SETBP1: variants seen among roughly 807,000 people sequenced by gnomAD.
The protein encoded by SETBP1 is SET binding protein 1, also known as SET-binding protein.
In SETBP1, 9 loss-of-function variants were observed where a neutral mutation model predicts 101.0. That is an observed-to-expected ratio of 0.09 (90% CI 0.05 to 0.16). The LOEUF (loss-of-function observed/expected upper bound fraction) is 0.16, where lower values mean the gene tolerates loss of function less well. Ranked by LOEUF, SETBP1 falls within the 10% of genes least tolerant of loss-of-function variation. The probability of loss-of-function intolerance (pLI) is 1.00; values close to 1 mark genes in which losing one functional copy is unlikely to be tolerated. For missense variants in SETBP1, 1,858 were observed against 2,033.8 expected, an observed-to-expected ratio of 0.91 and a Z score of 1.66; for synonymous variants, 818 against 788.5, an observed-to-expected ratio of 1.04 and a Z score of -0.63.
chr18:44,706,591 CAA>C (rs1018470585), intron 2 of SETBP1, among the ~76,000 whole-genome samples: 124 of 16,922 alleles, frequency 7.3e-3, no homozygotes, highest in Admixed American at 0.012. Context: ...GACTCAATCT[CAA>C]AAAAAAAAAA....
intron 4 of SETBP1, among the ~76,000 whole-genome samples, chr18:44,974,589 T>C (rs867914147): frequency 2.0e-5 from 3 of 152,172 alleles, no homozygotes; most frequent in South Asian, 4.1e-4. Context: ...CCCAAATGAC[T>C]GATGTGGACT....
chr18:44,768,588 A>C (rs1474029218), intron 2 of SETBP1, among the ~76,000 whole-genome samples: 1 of 152,130 alleles, frequency 6.6e-6, no homozygotes, highest in East Asian at 1.9e-4. Flanking sequence ...TTTCATATTC[A>C]CCAAGATTTT....
intron 3 of SETBP1, among the ~76,000 whole-genome samples, chr18:44,920,847 C>T (rs1488174190): frequency 1.3e-5 from 2 of 152,064 alleles, no homozygotes; most frequent in Non-Finnish European, 2.9e-5. Context: ...CTACTGGCAT[C>T]GGCATAGTCA....
Position 44,794,801 on chromosome 18 carries a change from C to A in SETBP1, c.487-74429C>A, listed in dbSNP as rs181274793. ...ATTGGGTAGGGATGTGACTTGGGAT[C>A]GTGATTCATTTTGTTTAGGGATGAC... On this transcript the variant is annotated intron_variant, in intron 2 of 5. Coordinates refer to ENST00000649279, the MANE Select transcript of SETBP1 (RefSeq NM_015559.3). Among the ~76,000 whole-genome samples, 717 of 152,156 alleles carry A rather than the reference C, an allele frequency of 4.7e-3. 17 individuals are homozygous for A. The highest frequency in any genetic ancestry group is 0.037 in the Admixed American group (569 of 15,290).
chr18:44,965,989 C>T (rs1221892854), intron 4 of SETBP1, among the ~76,000 whole-genome samples: 1 of 152,150 alleles, frequency 6.6e-6, no homozygotes, highest in African/African-American at 2.4e-5. Context: ...CTTCATTTTT[C>T]ATTTCAGTGA....
At chr18:44,808,192 T>C (rs924411403) in intron 2 of SETBP1, among the ~76,000 whole-genome samples, 2 of 152,186 alleles carry the variant, frequency 1.3e-5, no homozygotes, top group Non-Finnish European at 2.9e-5. Context: ...ATCCACACGA[T>C]TGTAAATTAG....
chr18:44,801,096 A>G (rs925933545), intron 2 of SETBP1, among the ~76,000 whole-genome samples: 3 of 152,154 alleles, frequency 2.0e-5, no homozygotes, highest in African/African-American at 7.2e-5. Flanking sequence ...ACACTTGGAC[A>G]TAGGAAGGGG....
intron 2 of SETBP1, among the ~76,000 whole-genome samples, chr18:44,737,598 T>C (rs2069997770): frequency 6.6e-6 from 1 of 152,246 alleles, no homozygotes; most frequent in Admixed American, 6.5e-5. Flanking sequence ...TGGTTTGCCC[T>C]GAGTGTGTAA....
chr18:44,841,312 G>A (rs1268550819), intron 2 of SETBP1, among the ~76,000 whole-genome samples: 1 of 152,192 alleles, frequency 6.6e-6, no homozygotes, highest in Admixed American at 6.5e-5. Context: ...TCTCCATGGA[G>A]TTGTTGGGTT....
At position 44,953,052 on chromosome 18, in the gene SETBP1, G is replaced by T. The variant is rs144087649; in HGVS notation, c.3712G>T (p.Asp1238Tyr). 8.7e-6 allele frequency: 14 copies of T among 1,614,066 alleles called. No homozygotes were observed. In the Admixed American group the frequency reaches 1.0e-4, roughly 12 times the overall value. ...CACCCTGTCTACACTGTCACTTTCC[G>T]ACGCCCAGCATTGGACACAGGCCAA... ...VDTLSTLSLS[D>Y]AQHWTQAKEK... The change falls in exon 4 of 6, where the codon GAC becomes TAC. Residue 1238 changes from aspartate (D) to tyrosine (Y), a missense_variant. Physicochemically the swap from Asp to Tyr is radical, Grantham distance 160. Around this residue, in one of 12 missense-constraint regions of SETBP1, gnomAD observed 417 missense variants for 389.1 expected, o/e 1.07. Coordinates refer to ENST00000649279, the MANE Select transcript of SETBP1 (RefSeq NM_015559.3).
intron 3 of SETBP1, among the ~76,000 whole-genome samples, chr18:44,935,229 T>C (rs2070932752): frequency 6.6e-6 from 1 of 152,214 alleles, no homozygotes; most frequent in Non-Finnish European, 1.5e-5. Context: ...GCTGGAATTT[T>C]AGATGAATTC....
At chr18:44,963,313 A>G (rs959757523) in intron 4 of SETBP1, among the ~76,000 whole-genome samples, 1 of 152,142 alleles carries the variant, frequency 6.6e-6, no homozygotes, top group Non-Finnish European at 1.5e-5. Flanking sequence ...AAAATAGGAT[A>G]TTTTACATAC....
chr18:45,007,932 T>G (rs1244769377), intron 4 of SETBP1, among the ~76,000 whole-genome samples: 1 of 152,152 alleles, frequency 6.6e-6, no homozygotes, highest in Non-Finnish European at 1.5e-5. Context: ...CCAAGCCTTC[T>G]GAAGGAATGA....
intron 3 of SETBP1, among the ~76,000 whole-genome samples, chr18:44,912,638 C>T (rs1416478568): frequency 6.6e-6 from 1 of 152,000 alleles, no homozygotes; most frequent in Non-Finnish European, 1.5e-5. Flanking sequence ...AGGATGGTCT[C>T]CATCTCCTGA....
chr18:44,990,898 G>T (rs892563145), intron 4 of SETBP1, among the ~76,000 whole-genome samples: 1 of 135,202 alleles, frequency 7.4e-6, no homozygotes, highest in Admixed American at 7.8e-5. Context: ...TAGAACTAAA[G>T]GTATAACTTA....
At chr18:44,774,320 C>T (rs991316138) in intron 2 of SETBP1, among the ~76,000 whole-genome samples, 3 of 151,738 alleles carry the variant, frequency 2.0e-5, no homozygotes, top group African/African-American at 7.3e-5. Context: ...TGACCTTGAT[C>T]CTTGGAAGTA....
At chr18:44,987,681 C>T (rs115197103) in intron 4 of SETBP1, 2 of 152,160 alleles carry the variant, frequency 1.3e-5, no homozygotes, top group African/African-American at 4.8e-5. Flanking sequence ...TTTGGTTCTC[C>T]GTGAAGATAA....
chr18:44,690,946 T>C (rs1288175400), intron 1 of SETBP1, among the ~76,000 whole-genome samples: 1 of 152,198 alleles, frequency 6.6e-6, no homozygotes, highest in African/African-American at 2.4e-5. Context: ...CTACACATAT[T>C]ATTTACCTTT....
chr18:45,024,401 G>A (rs1326222376), intron 4 of SETBP1, among the ~76,000 whole-genome samples: 1 of 152,086 alleles, frequency 6.6e-6, no homozygotes, highest in Non-Finnish European at 1.5e-5. Flanking sequence ...TTTTTTAATA[G>A]CATTCTGCCT....
Sources: gnomAD v4.1 joint callset for allele counts (sites outside exome capture counted in the v4.1 genomes callset) on GRCh38, gnomAD v4.1.1 for gene constraint, gnomAD v4.1.1 regional missense constraint, MANE v1.5 for transcripts, NCBI Gene and HGNC (gene_info 2026-07-23, HGNC 2026-07-21) for gene names.